Variants in SPRED2 observed in about 807,000 individuals in gnomAD.
The protein encoded by SPRED2 is sprouty-related, EVH1 domain-containing protein 2.
A neutral mutation model predicts 43.0 loss-of-function variants in SPRED2; 47 were observed. That is an observed-to-expected ratio of 1.09 (90% CI 0.87 to 1.40). The LOEUF (loss-of-function observed/expected upper bound fraction) is 1.40. Among genes scored for constraint, SPRED2 ranks in the 40% most tolerant of loss-of-function variants. SPRED2 has a pLI of 0.00. For synonymous variants in SPRED2, 225 were observed against 225.7 expected (o/e 1.00, Z 0.03); for missense variants, 561 against 586.4 (o/e 0.96, Z 0.45).
intron 1 of SPRED2, among the ~76,000 whole-genome samples, chr2:65,414,612 G>A (rs565994222): frequency 1.3e-4 from 20 of 152,206 alleles, no homozygotes; most frequent in Non-Finnish European, 2.8e-4. Flanking sequence ...TCTACTGCCA[G>A]GTCATTCAGA....
rs1382443656 is a variant in SPRED2 at position 65,384,031 on chromosome 2, A to G, written c.27-39135T>C. Among the ~76,000 whole-genome samples, 3 of 152,156 alleles carry G rather than the reference A, an allele frequency of 2.0e-5. No homozygotes were observed. In the East Asian group the frequency reaches 5.8e-4, roughly 29 times the overall value. On this transcript the variant is annotated intron_variant, in intron 1 of 5. Coordinates refer to ENST00000356388, the MANE Select transcript of SPRED2 (RefSeq NM_181784.3). Reference sequence around the variant, plus strand: ...GAAAGAGCCTTGCCCCACTCCTGCAAAACATCTGCCTCGCTGCCACTGGCT... The same window carrying G: ...GAAAGAGCCTTGCCCCACTCCTGCAGAACATCTGCCTCGCTGCCACTGGCT...
In SPRED2 at chr2:65,344,775, C is replaced by T. The variant is rs113901009; in HGVS notation, c.148G>A (p.Glu50Lys). The T allele has an allele frequency of 1.1e-5, 17 of 1,614,052 alleles. No homozygotes were observed. The highest frequency in any genetic ancestry group is 2.7e-5 in the African/African-American group (2 of 74,936). ...AGAAAGCCGCTTCGTCCATTGCCTT[C>T]GGGGTGCATGACCTTACAGACCCCG... is the stretch of plus-strand genomic sequence containing the variant. ...RVGVCKVMHPEGNGRSGFLIH... is the reference protein window; with the variant it reads ...RVGVCKVMHPKGNGRSGFLIH... The change falls in exon 2 of 6, where the codon GAA becomes AAA. Residue 50 changes from glutamate (E) to lysine (K), a missense_variant. By Grantham distance (56) the Glu-to-Lys change is moderately conservative. Coordinates refer to ENST00000356388, the MANE Select transcript of SPRED2 (RefSeq NM_181784.3).
intron 2 of SPRED2, 141 bp from the exon 3 acceptor site, chr2:65,334,914 T>G: frequency 1.2e-6 from 1 of 801,420 alleles, no homozygotes; most frequent in Non-Finnish European, 2.0e-6. Context: ...TGTGAGTCTC[T>G]CCAATGGGAA....
At chr2:65,352,381 A>G (rs1558664770) in intron 1 of SPRED2, among the ~76,000 whole-genome samples, 1 of 152,256 alleles carries the variant, frequency 6.6e-6, no homozygotes, top group Non-Finnish European at 1.5e-5. Context: ...AACATCAGTG[A>G]AATCAGCCAA....
At chr2:65,368,435 T>C (rs553672619) in intron 1 of SPRED2, among the ~76,000 whole-genome samples, 1 of 152,338 alleles carries the variant, frequency 6.6e-6, no homozygotes, top group South Asian at 2.1e-4. Context: ...TTGAAAAGCA[T>C]AATTTACCTT....
At chr2:65,375,901 A>C (rs1285893727) in intron 1 of SPRED2, among the ~76,000 whole-genome samples, 1 of 152,216 alleles carries the variant, frequency 6.6e-6, no homozygotes, top group African/African-American at 2.4e-5. Context: ...TGTGAAGAGC[A>C]AGTCTTAACA....
At chr2:65,315,677 T>G (rs528238978) in intron 5 of SPRED2, among the ~76,000 whole-genome samples, 2 of 152,392 alleles carry the variant, frequency 1.3e-5, no homozygotes, top group East Asian at 3.9e-4. Context: ...TATTTATTTA[T>G]TTTTTGAGAT....
At chr2:65,377,905 C>G in intron 1 of SPRED2, 1 of 334,530 alleles carries the variant, frequency 3.0e-6, no homozygotes, top group Non-Finnish European at 6.0e-6. Context: ...TTTCCACATG[C>G]ATCCTGAAGG....
intron 1 of SPRED2, among the ~76,000 whole-genome samples, chr2:65,358,100 T>C (rs1286370647): frequency 2.0e-5 from 3 of 151,954 alleles, no homozygotes; most frequent in African/African-American, 4.8e-5. Flanking sequence ...CAACTGAGAG[T>C]ATACTTTGAG....
At chr2:65,349,908 C>T (rs551484791) in intron 1 of SPRED2, among the ~76,000 whole-genome samples, 1 of 152,356 alleles carries the variant, frequency 6.6e-6, no homozygotes, top group South Asian at 2.1e-4. Context: ...CCTCCGGCAA[C>T]AGCCCCGACA....
At position 65,344,949 on chromosome 2, in the gene SPRED2, A is replaced by T. The variant is rs573171062; in HGVS notation, c.27-53T>A. ...GGCATGACAATGGTCTGGTAGTTGC[A>T]GAACACGTTTCAAAATGCAAGATGA... On this transcript the variant is annotated intron_variant, in intron 1 of 5. Transcript: ENST00000356388. 2.4e-3 allele frequency: 3,753 copies of T among 1,533,308 alleles called. 13 individuals are homozygous for T. Among genetic ancestry groups the T allele is most frequent in the Admixed American group, 2.9e-3 (156 of 53,142 alleles). The allele number at this position is 1,533,308 out of a possible 1,614,324, so 95.0% of individuals were successfully genotyped here.
At chr2:65,347,621 C>T (rs1215955678) in intron 1 of SPRED2, among the ~76,000 whole-genome samples, 1 of 152,146 alleles carries the variant, frequency 6.6e-6, no homozygotes, top group African/African-American at 2.4e-5. Context: ...TTAAGCCATC[C>T]ATGATTCAAG....
Position 65,332,042 on chromosome 2 carries a change from G to T in SPRED2, c.383C>A (p.Thr128Lys). 6.2e-7 allele frequency: 1 copy of T among 1,606,534 alleles called. No homozygotes were observed. Among genetic ancestry groups the T allele is most frequent in the Non-Finnish European group, 8.5e-7 (1 of 1,175,334 alleles). The change falls in exon 4 of 6, where the codon ACG (threonine) becomes AAG (lysine). Residue 128 changes from threonine to lysine, a missense_variant. Physicochemically the swap from Thr to Lys is moderately conservative, Grantham distance 78. Coordinates refer to ENST00000356388, the MANE Select transcript of SPRED2 (RefSeq NM_181784.3). ...TTCATTATGGATGGTGGAAGATGACGTTGTTGAACCTAAAAAGACAAAAAT... is the reference window on the plus strand; with the variant it reads ...TTCATTATGGATGGTGGAAGATGACTTTGTTGAACCTAAAAAGACAAAAAT... ...AIEDLIEGST[T>K]SSSTIHNEAE...
At chr2:65,387,003 A>G (rs950835173) in intron 1 of SPRED2, among the ~76,000 whole-genome samples, 4 of 151,118 alleles carry the variant, frequency 2.6e-5, no homozygotes, top group African/African-American at 9.7e-5. Context: ...TTTAAGTTGA[A>G]CCTGGTTCTA....
At chr2:65,386,754 G>A (rs971623794) in intron 1 of SPRED2, among the ~76,000 whole-genome samples, 1 of 152,204 alleles carries the variant, frequency 6.6e-6, no homozygotes, top group Non-Finnish European at 1.5e-5. Context: ...TGTATATTCA[G>A]AGCACTCTGT....
downstream of SPRED2, among the ~76,000 whole-genome samples, chr2:65,310,080 G>A (rs67247360): frequency 0.26 from 40,005 of 151,962 alleles, 6,719 homozygotes; most frequent in East Asian, 0.77. Flanking sequence ...AAGTGAGCTC[G>A]TAGGACTCTT....
chr2:65,364,994 C>T (rs1325060754), intron 1 of SPRED2, among the ~76,000 whole-genome samples: 2 of 152,136 alleles, frequency 1.3e-5, no homozygotes, highest in African/African-American at 4.8e-5. Context: ...TTAAAGTAGC[C>T]TTTCTTTCAC....
rs370741723 is a variant in SPRED2, at chr2:65,383,107, C to G, written c.27-38211G>C. Reference sequence around the variant, plus strand: ...CAAGAAGGCTTACGTTTTAAAAATACCACCGGCATGCTAGCTTGGCGTCTG... The same window carrying G: ...CAAGAAGGCTTACGTTTTAAAAATAGCACCGGCATGCTAGCTTGGCGTCTG... On this transcript the variant is annotated intron_variant, in intron 1 of 5. Coordinates refer to ENST00000356388, the MANE Select transcript of SPRED2 (RefSeq NM_181784.3). Among the ~76,000 whole-genome samples, 3 of 152,240 alleles carry G rather than the reference C, an allele frequency of 2.0e-5. No homozygotes were observed. The South Asian group carries it at 6.2e-4, about 32-fold the overall frequency.
At chr2:65,427,215 G>A (rs1676576842) in intron 1 of SPRED2, among the ~76,000 whole-genome samples, 1 of 151,978 alleles carries the variant, frequency 6.6e-6, no homozygotes, top group Admixed American at 6.6e-5. Context: ...GGGACTACAG[G>A]TGTGCGCTAC....
Sources: gnomAD v4.1 joint callset for allele counts (sites outside exome capture counted in the v4.1 genomes callset) on GRCh38, gnomAD v4.1.1 for gene constraint, MANE v1.5 for transcripts, NCBI Gene and HGNC (gene_info 2026-07-23, HGNC 2026-07-21) for gene names.